Variants in CCNY observed in about 807,000 individuals in gnomAD.
The protein encoded by CCNY is cyclin-Y.
Under a neutral mutation model 42.8 loss-of-function variants are expected in CCNY, and 19 were observed. That is an observed-to-expected ratio of 0.44 (90% confidence interval 0.31 to 0.65). The LOEUF (loss-of-function observed/expected upper bound fraction) is 0.65. Among genes scored for constraint, CCNY ranks in the 30% least tolerant of loss-of-function variants. The pLI is 0.07. For missense variants in CCNY, 370 were observed against 437.3 expected (o/e 0.85, Z 1.37); for synonymous variants, 165 against 162.7 (o/e 1.01, Z -0.11).
Position 35,387,215 on chromosome 10 carries a change from T to C in CCNY, c.154+50008T>C, listed in dbSNP as rs531181694. On this transcript the variant is annotated intron_variant, in intron 1 of 9. Transcript: ENST00000374704. Reference sequence around the variant, plus strand: ...GAACAAAGGAAAACACCAAAACTTATGATTGATTGCTTTAAAAAAGTTACT... The same window carrying C: ...GAACAAAGGAAAACACCAAAACTTACGATTGATTGCTTTAAAAAAGTTACT... 3.9e-5 allele frequency among the ~76,000 whole-genome samples: 6 copies of C among 152,292 alleles called. No individual in the cohort carries two copies. The South Asian group carries it at 1.2e-3, about 32-fold the overall frequency.
chr10:35,312,634 C>T (rs1019640522), intron 3 of CCNY, among the ~76,000 whole-genome samples: 5 of 151,930 alleles, frequency 3.3e-5, no homozygotes, highest in African/African-American at 1.2e-4. Context: ...ACCATCTCAT[C>T]CTGGGGTATG....
intron 3 of CCNY, among the ~76,000 whole-genome samples, chr10:35,271,332 T>C (rs1374638198): frequency 9.2e-5 from 14 of 152,272 alleles, no homozygotes; most frequent in African/African-American, 2.9e-4. Flanking sequence ...AGGTTCAGCG[T>C]GGAGAAGCCT....
At chr10:35,534,999 A>ATATATGTG (rs375976167) in intron 7 of CCNY, among the ~76,000 whole-genome samples, 2 of 133,574 alleles carry the variant, frequency 1.5e-5, no homozygotes, top group Non-Finnish European at 3.2e-5. Context: ...ATCTATATAT[A>ATATATGTG]TGTGTGTGTG....
chr10:35,469,258 G>C (rs1564423374), intron 1 of CCNY, among the ~76,000 whole-genome samples: 1 of 152,198 alleles, frequency 6.6e-6, no homozygotes, highest in Non-Finnish European at 1.5e-5. Flanking sequence ...CATTTAAAAG[G>C]CTGTATTATA....
At chr10:35,553,268 C>A in intron 8 of CCNY, 83 bp downstream of exon 8, 1 of 1,376,922 alleles carries the variant, frequency 7.3e-7, no homozygotes, top group Non-Finnish European at 1.0e-6. Context: ...TTTTAATGGT[C>A]TGTATAGCGC....
chr10:35,263,862 T>G (rs73264606), intron 3 of CCNY, among the ~76,000 whole-genome samples: 26 of 152,208 alleles, frequency 1.7e-4, no homozygotes, highest in African/African-American at 6.0e-4. Flanking sequence ...CCCTAGTGTG[T>G]GTTGTTCCTC....
At chr10:35,298,614 C>T (rs893216310) in intron 3 of CCNY, among the ~76,000 whole-genome samples, 1 of 152,168 alleles carries the variant, frequency 6.6e-6, no homozygotes, top group Non-Finnish European at 1.5e-5. Flanking sequence ...CTCCTGGGCT[C>T]AGGCACTCTT....
intron 7 of CCNY, among the ~76,000 whole-genome samples, chr10:35,534,650 G>A (rs1840843210): frequency 1.3e-5 from 2 of 151,962 alleles, no homozygotes; most frequent in Admixed American, 1.3e-4. Flanking sequence ...ATTTTAGTGG[G>A]TTTTAGTACA....
chr10:35,389,439 C>CT (rs1365155125), intron 1 of CCNY, among the ~76,000 whole-genome samples: 5,291 of 120,488 alleles, frequency 0.044, 234 homozygotes, highest in South Asian at 0.086. Context: ...GAAAACTGTG[C>CT]TTTTTTTTTT....
At chr10:35,542,621 C>A (rs994721529) in intron 7 of CCNY, among the ~76,000 whole-genome samples, 1 of 152,204 alleles carries the variant, frequency 6.6e-6, no homozygotes, top group Admixed American at 6.5e-5. Context: ...CCTGGGGAGG[C>A]CTTGGCAGGG....
intron 1 of CCNY, among the ~76,000 whole-genome samples, chr10:35,389,534 G>A (rs997865415): frequency 2.0e-5 from 3 of 151,280 alleles, no homozygotes; most frequent in Admixed American, 2.0e-4. Context: ...CTGCCTCCCG[G>A]GTTCAAGCAG....
At chr10:35,397,362 C>T (rs937152014) in intron 1 of CCNY, among the ~76,000 whole-genome samples, 5 of 152,214 alleles carry the variant, frequency 3.3e-5, no homozygotes, top group African/African-American at 7.2e-5. Context: ...AATTATTCAG[C>T]AGCAAATATT....
At chr10:35,437,158 A>T (rs1288114402) in intron 1 of CCNY, among the ~76,000 whole-genome samples, 2 of 152,202 alleles carry the variant, frequency 1.3e-5, no homozygotes, top group African/African-American at 4.8e-5. Context: ...CCATTGACAC[A>T]TGGGGATTAT....
chr10:35,492,993 T>TGG (rs758027644), intron 2 of CCNY, among the ~76,000 whole-genome samples: 2 of 150,138 alleles, frequency 1.3e-5, no homozygotes, highest in South Asian at 2.1e-4. Flanking sequence ...TTGAGGTGCA[T>TGG]GGGGGGGGGA....
At chr10:35,479,289 A>G (rs1839599564) in intron 1 of CCNY, among the ~76,000 whole-genome samples, 3 of 151,892 alleles carry the variant, frequency 2.0e-5, no homozygotes, top group Non-Finnish European at 4.4e-5. Flanking sequence ...TCATGCTGCT[A>G]TAAAGGCACA....
intron 1 of CCNY, among the ~76,000 whole-genome samples, chr10:35,395,753 G>C (rs936654749): frequency 6.6e-6 from 1 of 152,178 alleles, no homozygotes; most frequent in African/African-American, 2.4e-5. Context: ...TCAGCGCCTG[G>C]TTGTGTGTTA....
chr10:35,353,488 G>C (rs559241405), intron 1 of CCNY, among the ~76,000 whole-genome samples: 1 of 152,314 alleles, frequency 6.6e-6, no homozygotes, highest in Non-Finnish European at 1.5e-5. Context: ...AGTATGAGAA[G>C]AAGATAGCCT....
At chr10:35,518,010 C>G (rs1212557548) in intron 4 of CCNY, among the ~76,000 whole-genome samples, 4 of 152,212 alleles carry the variant, frequency 2.6e-5, no homozygotes, top group African/African-American at 9.7e-5. Flanking sequence ...TGCTAACTTC[C>G]CTTTAATCCT....
intron 1 of CCNY, among the ~76,000 whole-genome samples, chr10:35,440,023 G>A (rs1838631220): frequency 6.6e-6 from 1 of 152,162 alleles, no homozygotes; most frequent in South Asian, 2.1e-4. Flanking sequence ...CTTGGACCTA[G>A]AGGTGTTGGG....
Sources: gnomAD v4.1 joint callset for allele counts (sites outside exome capture counted in the v4.1 genomes callset) on GRCh38, gnomAD v4.1.1 for gene constraint, MANE v1.5 for transcripts, NCBI Gene and HGNC (gene_info 2026-07-23, HGNC 2026-07-21) for gene names.